Variants in BCOR observed in about 807,000 individuals in gnomAD.
The protein encoded by BCOR is BCL6 corepressor.
A neutral mutation model predicts 86.7 loss-of-function variants in BCOR; 10 were observed. The observed-to-expected ratio is 0.12, with a 90% CI of 0.07 to 0.20. The LOEUF (loss-of-function observed/expected upper bound fraction) is 0.20, where lower values mean the gene tolerates loss of function less well. Among genes scored for constraint, BCOR ranks in the 10% least tolerant of loss-of-function variants. The pLI, the probability that BCOR is intolerant of heterozygous loss-of-function variation, is 1.00. For synonymous variants in BCOR, 611 were observed against 609.0 expected (o/e 1.00, Z -0.05); for missense variants, 1,259 against 1,452.1 (o/e 0.87, Z 2.16).
At chrX:40,144,387 T>C (rs1371608814) in intron 1 of BCOR, among the ~76,000 whole-genome samples, 1 of 111,574 alleles carries the variant, frequency 9.0e-6, no homozygotes, top group Non-Finnish European at 1.9e-5. Context: ...GTGCTCGCCT[T>C]TGATGTGTGA....
At chrX:40,118,197 C>T (rs1251210016) in intron 1 of BCOR, among the ~76,000 whole-genome samples, 2 of 110,243 alleles carry the variant, frequency 1.8e-5, no homozygotes, top group Non-Finnish European at 3.8e-5. Context: ...CCTTTCTGTC[C>T]TCCCCTCAGG....
At chrX:40,089,621 G>A (rs1936509691) in intron 1 of BCOR, among the ~76,000 whole-genome samples, 1 of 110,975 alleles carries the variant, frequency 9.0e-6, no homozygotes, top group African/African-American at 3.3e-5. Flanking sequence ...TAAGGCCAAT[G>A]CTCTCAACAA....
chrX:40,130,356 G>A (rs1173993263), intron 1 of BCOR, among the ~76,000 whole-genome samples: 1 of 112,129 alleles, frequency 8.9e-6, no homozygotes, highest in Non-Finnish European at 1.9e-5. Flanking sequence ...GGTTTCCCCT[G>A]GTCTTCCTGG....
chrX:40,106,516 T>A (rs1236405659), intron 1 of BCOR, among the ~76,000 whole-genome samples: 1 of 109,873 alleles, frequency 9.1e-6, no homozygotes, highest in Non-Finnish European at 1.9e-5. Flanking sequence ...CACGGAAACA[T>A]GGCGCAGCGC....
rs760809031 is a variant in BCOR, at chrX:40,072,733, G to A, written c.2613C>T (p.Phe871=). Residue 871 remains phenylalanine (F), a synonymous_variant, in exon 4 of 15, where the codon TTC becomes TTT. Transcript: ENST00000378444. ...TGCTTACGGTGAAGACTGGCTGTTT[G>A]AAAGTATAAGTTTCGTGGAAGTCAC... is the stretch of plus-strand genomic sequence containing the variant. ...RISDFHETYT[F]KQPVFTVSKD... 5.8e-6 allele frequency: 7 copies of A among 1,210,229 alleles called. No homozygotes were observed. The highest frequency in any genetic ancestry group is 5.2e-5 in the African/African-American group (3 of 57,171).
chrX:40,070,790 G>A lies in BCOR; in HGVS notation c.3238+183C>T, dbSNP rs187391922. ...GACTGTTATCAACTCTAGAACCAGT[G>A]CTTCTTTGGAAAAAAAGATGTGTCC... On this transcript the variant is annotated intron_variant, in intron 6 of 14. Coordinates refer to ENST00000378444, the MANE Select transcript of BCOR (RefSeq NM_001123385.2). Among the ~76,000 whole-genome samples, 557 of 111,842 alleles carry A rather than the reference G, an allele frequency of 5.0e-3. 4 individuals carry two copies. The highest frequency in any genetic ancestry group is 0.017 in the African/African-American group (519 of 30,759).
At chrX:40,152,411 C>T (rs764367835) in intron 1 of BCOR, among the ~76,000 whole-genome samples, 1 of 112,328 alleles carries the variant, frequency 8.9e-6, no homozygotes, top group Non-Finnish European at 1.9e-5. Context: ...CCTGGCGCTG[C>T]GGAGGCCTCG....
chrX:40,139,047 G>A (rs1397682153), intron 1 of BCOR, among the ~76,000 whole-genome samples: 1 of 108,891 alleles, frequency 9.2e-6, no homozygotes, highest in Non-Finnish European at 1.9e-5. Flanking sequence ...TACTAACTAC[G>A]ACATAGTCTT....
chrX:40,068,575 C>T (rs2147136171), intron 6 of BCOR, among the ~76,000 whole-genome samples: 1 of 112,115 alleles, frequency 8.9e-6, no homozygotes, highest in South Asian at 3.7e-4. Flanking sequence ...AGACAGACAC[C>T]CAAATTCAAG....
rs769472140 is a variant in BCOR at position 40,066,505 on chromosome X, G to A, written c.3239-1906C>T. Among the ~76,000 whole-genome samples, 4 of 111,581 alleles carry A rather than the reference G, an allele frequency of 3.6e-5. No homozygotes were observed. The East Asian group carries it at 1.1e-3, about 31-fold the overall frequency. The stretch of plus-strand genomic sequence containing the variant: ...TAAACACGGTGCAGCAGGGCAGAGG[G>A]TAAGGCTGGAGAAATTACTTACAAA... On this transcript the variant is annotated intron_variant, in intron 6 of 14. Coordinates refer to ENST00000378444, the MANE Select transcript of BCOR (RefSeq NM_001123385.2).
intron 1 of BCOR, among the ~76,000 whole-genome samples, chrX:40,143,911 C>T (rs1183398033): frequency 5.3e-5 from 6 of 112,509 alleles, no homozygotes; most frequent in South Asian, 3.6e-4. Context: ...GAGTCGAGAT[C>T]GGGCCATTGC....
chrX:40,113,760 A>G (rs181761887), intron 1 of BCOR, among the ~76,000 whole-genome samples: 2 of 112,317 alleles, frequency 1.8e-5, no homozygotes, highest in Non-Finnish European at 3.8e-5. Flanking sequence ...TATTGATGAA[A>G]AAAAAATCTG....
intron 1 of BCOR, among the ~76,000 whole-genome samples, chrX:40,146,102 C>G (rs1938046355): frequency 8.9e-6 from 1 of 112,486 alleles, no homozygotes; most frequent in Non-Finnish European, 1.9e-5. Flanking sequence ...TTCCTCTTCC[C>G]CTAGCACACA....
At chrX:40,101,466 G>T (rs1440306538), upstream of BCOR, among the ~76,000 whole-genome samples, 1 of 113,160 alleles carries the variant, frequency 8.8e-6, no homozygotes, top group African/African-American at 3.2e-5. Context: ...ATGGAGCAGC[G>T]GGGGCTGCCC....
At chrX:40,088,233 G>A (rs1232786937) in intron 1 of BCOR, among the ~76,000 whole-genome samples, 1 of 112,495 alleles carries the variant, frequency 8.9e-6, no homozygotes, top group East Asian at 2.8e-4. Context: ...TAGATTCCAA[G>A]CCCCAGCCCA....
intron 1 of BCOR, among the ~76,000 whole-genome samples, chrX:40,126,660 G>C (rs1280113332): frequency 9.0e-6 from 1 of 111,662 alleles, no homozygotes; most frequent in Non-Finnish European, 1.9e-5. Context: ...TTTGAGACCA[G>C]CCTGGTCAAC....
In BCOR at chrX:40,072,612, C is replaced by T. The variant is rs1407498048; in HGVS notation, c.2734G>A (p.Val912Ile). The T allele has an allele frequency of 8.3e-7, 1 of 1,210,686 alleles. No individual in the cohort carries two copies. Among genetic ancestry groups the T allele is most frequent in the Non-Finnish European group, 1.1e-6 (1 of 895,373 alleles). The change falls in exon 4 of 15, where the codon GTA (valine) becomes ATA (isoleucine). Residue 912 changes from valine (V) to isoleucine (I), a missense_variant. Physicochemically the swap from Val to Ile is conservative, Grantham distance 29. Coordinates refer to ENST00000378444, the MANE Select transcript of BCOR (RefSeq NM_001123385.2). ...EPPLGSDGPA[V>I]TFGKTQEDPK... ...TCCTCTTGGGTTTTACCAAAAGTTA[C>T]AGCAGGGCCATCGCTCCCCAGAGGT...
intron 1 of BCOR, among the ~76,000 whole-genome samples, chrX:40,150,608 AG>A (rs1025898054): frequency 8.9e-6 from 1 of 112,048 alleles, no homozygotes; most frequent in African/African-American, 3.2e-5. Flanking sequence ...GGGAGGGAAC[AG>A]GCGCCCTTCT....
chrX:40,094,978 C>T (rs1348058022), intron 1 of BCOR, among the ~76,000 whole-genome samples: 1 of 112,306 alleles, frequency 8.9e-6, no homozygotes, highest in East Asian at 2.8e-4. Flanking sequence ...CAAAGGACAG[C>T]GCTGGGGCCA....
Sources: allele counts gnomAD v4.1 joint callset (sites outside exome capture counted in the v4.1 genomes callset), GRCh38; gene constraint gnomAD v4.1.1; transcripts MANE v1.5; gene names NCBI Gene and HGNC (gene_info 2026-07-23, HGNC 2026-07-21).